Variants in CCDC178 observed in about 807,000 individuals in gnomAD.
The protein encoded by CCDC178 is coiled-coil domain containing 178.
CCDC178 carries 126 observed loss-of-function variants against 117.4 expected under a neutral mutation model. The observed-to-expected ratio is 1.07, with a 90% CI of 0.93 to 1.24. CCDC178 has a LOEUF of 1.24. Among genes scored for constraint, CCDC178 ranks in the 50% most tolerant of loss-of-function variants. The probability of loss-of-function intolerance (pLI) is 0.00; values close to 1 mark genes in which losing one functional copy is unlikely to be tolerated. For missense variants in CCDC178, 1,030 were observed against 986.9 expected (o/e 1.04, Z -0.59); for synonymous variants, 283 against 313.4 (o/e 0.90, Z 1.02).
At chr18:33,001,725 G>T (rs1273238714) in intron 21 of CCDC178, among the ~76,000 whole-genome samples, 1 of 151,882 alleles carries the variant, frequency 6.6e-6, no homozygotes, top group Non-Finnish European at 1.5e-5. Flanking sequence ...CCAGTCAAAA[G>T]ACATAGATTG....
At chr18:33,019,943 TTATTA>T (rs2056076836) in intron 21 of CCDC178, among the ~76,000 whole-genome samples, 1 of 147,156 alleles carries the variant, frequency 6.8e-6, no homozygotes, top group African/African-American at 2.5e-5. Flanking sequence ...ATTATTATTA[TTATTA>T]TTATTATTAT....
rs371827065 is a variant in CCDC178, at chr18:33,190,950, A to G, written c.2238+20946T>C. 5.3e-5 allele frequency among the ~76,000 whole-genome samples: 8 copies of G among 152,300 alleles called. No individual in the cohort carries two copies. The East Asian group carries it at 1.3e-3, about 26-fold the overall frequency. On this transcript the variant is annotated intron_variant, in intron 20 of 22. Transcript: ENST00000383096. ...CTATTCAAATACACTTTGCCCCTCC[A>G]TCAGCAATTTGCTTCTCACTTGCTC...
intron 21 of CCDC178, among the ~76,000 whole-genome samples, chr18:33,016,056 T>G (rs2055981797): frequency 6.6e-6 from 1 of 152,140 alleles, no homozygotes; most frequent in African/African-American, 2.4e-5. Context: ...TTCAAGAAGT[T>G]TGGTAACCTC....
chr18:33,215,418 C>G (rs1408136817), intron 19 of CCDC178, 132 bp downstream of exon 19: 3 of 568,752 alleles, frequency 5.3e-6, no homozygotes, highest in Non-Finnish European at 8.2e-6. Flanking sequence ...TCAAATAACA[C>G]ATATATATTC....
chr18:33,022,293 T>A (rs2056138416), intron 21 of CCDC178, among the ~76,000 whole-genome samples: 1 of 152,136 alleles, frequency 6.6e-6, no homozygotes, highest in African/African-American at 2.4e-5. Context: ...GGAAGAAAAC[T>A]TAGAACGTTA....
At chr18:33,191,606 G>A (rs1598982284) in intron 20 of CCDC178, among the ~76,000 whole-genome samples, 1 of 152,196 alleles carries the variant, frequency 6.6e-6, no homozygotes, top group East Asian at 1.9e-4. Context: ...ATTTCACTTG[G>A]CGATTGGAGT....
intron 11 of CCDC178, among the ~76,000 whole-genome samples, chr18:33,293,522 G>A (rs879481054): frequency 1.3e-5 from 2 of 151,424 alleles, no homozygotes; most frequent in Non-Finnish European, 2.9e-5. Context: ...AAAATTAGCC[G>A]AGCATGGTGG....
chr18:33,061,739 T>C (rs1446470410), intron 21 of CCDC178, among the ~76,000 whole-genome samples: 3 of 152,214 alleles, frequency 2.0e-5, no homozygotes, highest in African/African-American at 7.2e-5. Flanking sequence ...AACCAAATAG[T>C]GATTATTTAG....
intron 15 of CCDC178, among the ~76,000 whole-genome samples, chr18:33,229,136 G>T (rs745341383): frequency 2.0e-5 from 3 of 152,176 alleles, no homozygotes; most frequent in Non-Finnish European, 4.4e-5. Flanking sequence ...GGAGAGGAAT[G>T]AAGCAGGATT....
At chr18:33,231,531 G>A (rs1013196090) in intron 15 of CCDC178, among the ~76,000 whole-genome samples, 1 of 152,106 alleles carries the variant, frequency 6.6e-6, no homozygotes, top group African/African-American at 2.4e-5. Flanking sequence ...TTTTAACTCT[G>A]ATCTGTGATA....
intron 22 of CCDC178, among the ~76,000 whole-genome samples, chr18:32,946,981 C>T (rs1001569222): frequency 1.3e-5 from 2 of 151,996 alleles, no homozygotes; most frequent in Admixed American, 6.6e-5. Flanking sequence ...GGGGTTTCAC[C>T]GCGTTAGCCA....
chr18:33,288,223 C>A (rs1241934408), intron 12 of CCDC178, among the ~76,000 whole-genome samples: 1 of 148,518 alleles, frequency 6.7e-6, no homozygotes, highest in African/African-American at 2.5e-5. Context: ...CTCCTCCTCT[C>A]CTCCTCCTCC....
intron 20 of CCDC178, among the ~76,000 whole-genome samples, chr18:33,093,516 A>G (rs953916247): frequency 2.1e-4 from 32 of 152,142 alleles, no homozygotes; most frequent in African/African-American, 7.7e-4. Context: ...TGCTAGTATG[A>G]GCAGTTGAGA....
intron 21 of CCDC178, among the ~76,000 whole-genome samples, chr18:32,990,810 A>C (rs1310764608): frequency 2.6e-5 from 4 of 151,944 alleles, no homozygotes; most frequent in African/African-American, 9.7e-5. Context: ...TTATGTATAG[A>C]TCTTAGGGAT....
chr18:33,096,309 A>T (rs1025979116), intron 20 of CCDC178, among the ~76,000 whole-genome samples: 10 of 100,984 alleles, frequency 9.9e-5, no homozygotes, highest in Non-Finnish European at 1.7e-4. Context: ...AAAATATAAA[A>T]TTTTTATATT....
intron 11 of CCDC178, among the ~76,000 whole-genome samples, chr18:33,311,072 G>A (rs2062335309): frequency 6.6e-6 from 1 of 152,118 alleles, no homozygotes; most frequent in African/African-American, 2.4e-5. Context: ...ATCCCTAGGG[G>A]TTTCAAAACC....
chr18:33,258,383 T>C (rs1276910187), intron 14 of CCDC178, among the ~76,000 whole-genome samples: 1 of 152,182 alleles, frequency 6.6e-6, no homozygotes, highest in Non-Finnish European at 1.5e-5. Context: ...CTTGGAATTC[T>C]CTTCCTCAGA....
intron 20 of CCDC178, among the ~76,000 whole-genome samples, chr18:33,131,267 C>G (rs1446338218): frequency 6.6e-6 from 1 of 151,740 alleles, no homozygotes; most frequent in East Asian, 1.9e-4. Context: ...AATCAGTTTT[C>G]TACATGCAGC....
intron 21 of CCDC178, among the ~76,000 whole-genome samples, chr18:32,990,124 T>A (rs530325566): frequency 1.3e-3 from 196 of 152,130 alleles, no homozygotes; most frequent in Non-Finnish European, 2.3e-3. Flanking sequence ...ATATACTGAA[T>A]GAGATCTAAC....
Sources: allele counts gnomAD v4.1 joint callset (sites outside exome capture counted in the v4.1 genomes callset), GRCh38; gene constraint gnomAD v4.1.1; transcripts MANE v1.5; gene names NCBI Gene and HGNC (gene_info 2026-07-23, HGNC 2026-07-21).